Variants in ACACA observed in about 807,000 individuals in gnomAD.
ACACA encodes acetyl-CoA carboxylase 1.
Under a neutral mutation model 296.1 loss-of-function variants are expected in ACACA, and 103 were observed. The observed-to-expected ratio is 0.35, with a 90% confidence interval of 0.30 to 0.41. The LOEUF is 0.41. Among genes scored for constraint, ACACA ranks in the 10% least tolerant of loss-of-function variants. ACACA has a pLI of 1.00. For missense variants in ACACA, 1,554 were observed against 2,989.7 expected (o/e 0.52, Z 11.20); for synonymous variants, 953 against 1,038.6 (o/e 0.92, Z 1.58).
chr17:37,386,040 C>T (rs1216285638), intron 1 of ACACA: 1 of 1,603,988 alleles, frequency 6.2e-7, no homozygotes, highest in Admixed American at 1.7e-5. Context: ...AATGTAAAGT[C>T]CTGGGGGCTT....
rs372530107 is a variant in ACACA at position 37,182,618 on chromosome 17, C to T, written c.4777-1262G>A. Among the ~76,000 whole-genome samples, 14 of 152,262 alleles carry T rather than the reference C, an allele frequency of 9.2e-5. 1 individual carries two copies. In the South Asian group the frequency reaches 2.9e-3, roughly 32 times the overall value. On this transcript the variant is annotated intron_variant, in intron 39 of 55. Transcript: ENST00000616317. ...AGGTTGTATAACACTAAACTAGGCA[C>T]TTCATGCATGGATACATAAAATATA...
At chr17:37,296,071 G>A (rs1388048524) in intron 3 of ACACA, among the ~76,000 whole-genome samples, 1 of 152,154 alleles carries the variant, frequency 6.6e-6, no homozygotes, top group Non-Finnish European at 1.5e-5. Flanking sequence ...GATTTCCATT[G>A]TTACTTGGTA....
intron 1 of ACACA, among the ~76,000 whole-genome samples, chr17:37,342,436 A>ATATATATAT (rs1187263633): frequency 5.2e-5 from 3 of 58,218 alleles, no homozygotes; most frequent in Non-Finnish European, 8.7e-5. Flanking sequence ...AAAAAAAAAA[A>ATATATATAT]ATATATATAT....
chr17:37,390,304 T>TTTTATATATATATATATATATATA (rs1201500381), intron 1 of ACACA, among the ~76,000 whole-genome samples: 2 of 17,974 alleles, frequency 1.1e-4, no homozygotes, highest in African/African-American at 7.6e-4. Flanking sequence ...TTATACATAA[T>TTTTATATATATATATATATATATA]TATATATATA....
chr17:37,087,365 C>T lies in ACACA; in HGVS notation c.7103G>A (p.Arg2368Gln), dbSNP rs766921857. The stretch of plus-strand genomic sequence containing the variant: ...GGAGAGGATCCGTATGACTTCTGCT[C>T]GCTGAGTGGGTGATATGTGCTGCGT... The part of the protein sequence containing the change: ...HMTQHISPTQ[R>Q]AEVIRILSTM... Residue 2368 changes from arginine (R) to glutamine (Q), a missense_variant, in exon 56 of 56, where the codon CGA becomes CAA. Transcript: ENST00000616317. The T allele has an allele frequency of 9.9e-6, 16 of 1,613,976 alleles. No homozygotes were observed. The highest frequency in any genetic ancestry group is 5.0e-5 in the Admixed American group (3 of 59,992).
chr17:37,374,517 C>T (rs930454820), intron 1 of ACACA, among the ~76,000 whole-genome samples: 10 of 152,230 alleles, frequency 6.6e-5, no homozygotes, highest in Admixed American at 5.2e-4. Flanking sequence ...GAACTCCCGA[C>T]CTCAGGTCAT....
At chr17:37,095,101 C>T (rs531680571) in intron 54 of ACACA, among the ~76,000 whole-genome samples, 1 of 152,364 alleles carries the variant, frequency 6.6e-6, no homozygotes, top group South Asian at 2.1e-4. Context: ...GGGAAACTTC[C>T]TTCTCATCCT....
intron 10 of ACACA, among the ~76,000 whole-genome samples, chr17:37,266,847 C>A (rs1361163336): frequency 6.6e-6 from 1 of 152,120 alleles, no homozygotes; most frequent in Non-Finnish European, 1.5e-5. Flanking sequence ...TTCCAAGTTA[C>A]CTCAGATAAC....
intron 25 of ACACA, among the ~76,000 whole-genome samples, chr17:37,226,879 C>T (rs1256160403): frequency 6.6e-6 from 1 of 152,134 alleles, no homozygotes; most frequent in Non-Finnish European, 1.5e-5. Context: ...CAAAAAGAAC[C>T]ACCCCAGTGG....
chr17:37,207,593 T>G (rs948389851), intron 31 of ACACA, 64 bp downstream of exon 31: 1 of 1,596,038 alleles, frequency 6.3e-7, no homozygotes, highest in Non-Finnish European at 8.6e-7. Context: ...TGCAGAAAGA[T>G]GAGACCCCAA....
At chr17:37,239,220 T>C (rs1156827461) in intron 24 of ACACA, among the ~76,000 whole-genome samples, 3 of 152,226 alleles carry the variant, frequency 2.0e-5, no homozygotes, top group Non-Finnish European at 4.4e-5. Flanking sequence ...TTGACTTTTG[T>C]ATTTAGCAAT....
intron 1 of ACACA, among the ~76,000 whole-genome samples, chr17:37,396,173 C>G (rs1186071567): frequency 6.6e-6 from 1 of 151,868 alleles, no homozygotes; most frequent in East Asian, 1.9e-4. Flanking sequence ...AACCCTGTCT[C>G]TACTAAAAGT....
chr17:37,118,924 G>A (rs540340923), intron 50 of ACACA, among the ~76,000 whole-genome samples: 6 of 152,302 alleles, frequency 3.9e-5, no homozygotes, highest in African/African-American at 1.4e-4. Context: ...ATATGTAGCA[G>A]AATTGAAGCT....
chr17:37,236,109 C>G (rs1160244332), intron 24 of ACACA, among the ~76,000 whole-genome samples: 1 of 152,166 alleles, frequency 6.6e-6, no homozygotes, highest in African/African-American at 2.4e-5. Context: ...CAAACCAGAA[C>G]AGTGACGTTC....
At chr17:37,338,088 C>A (rs1316923252) in intron 2 of ACACA, among the ~76,000 whole-genome samples, 1 of 149,372 alleles carries the variant, frequency 6.7e-6, no homozygotes, top group African/African-American at 2.5e-5. Context: ...CAGAGTGAGA[C>A]TCCGTCTCAA....
chr17:37,214,918 C>T (rs1172013538), intron 29 of ACACA, among the ~76,000 whole-genome samples: 1 of 152,212 alleles, frequency 6.6e-6, no homozygotes, highest in African/African-American at 2.4e-5. Context: ...AAAGAAAGGT[C>T]TAATCTCTGG....
At chr17:37,294,939 T>TGGAC (rs2083257278) in intron 3 of ACACA, among the ~76,000 whole-genome samples, 1 of 152,232 alleles carries the variant, frequency 6.6e-6, no homozygotes, top group Admixed American at 6.5e-5. Flanking sequence ...GATGAAGGCC[T>TGGAC]GGACTTCTGG....
Position 37,390,330 on chromosome 17 carries a change from A to ATATATATCTATATATCTATATATC in ACACA, c.38+15931_38+15932insGATATATAGATATATAGATATATA, listed in dbSNP as rs1386032855. Among the ~76,000 whole-genome samples the ATATATATCTATATATCTATATATC allele has an allele frequency of 1.6e-3, 66 of 41,582 alleles. 6 individuals carry two copies. Among genetic ancestry groups the ATATATATCTATATATCTATATATC allele is most frequent in the Non-Finnish European group, 2.0e-3 (54 of 26,764 alleles). The allele number at this position is 41,582 out of a possible 152,430, so 27.3% of individuals were successfully genotyped here. On this transcript the variant is annotated intron_variant, in intron 1 of 55. Coordinates refer to ENST00000616317, the MANE Select transcript of ACACA (RefSeq NM_198834.3). ...TATATATATATATATATATATATAT[A>ATATATATCTATATATCTATATATC]TATAAAAGGCCAGCTGGGCCGGGCA...
intron 50 of ACACA, among the ~76,000 whole-genome samples, chr17:37,119,975 C>T (rs2074448905): frequency 6.6e-6 from 1 of 151,198 alleles, no homozygotes; most frequent in Non-Finnish European, 1.5e-5. Context: ...TCACTGCAAC[C>T]TCTGCCTCCT....
Sources: allele counts gnomAD v4.1 joint callset (sites outside exome capture counted in the v4.1 genomes callset), GRCh38; gene constraint gnomAD v4.1.1; transcripts MANE v1.5; gene names NCBI Gene and HGNC (gene_info 2026-07-23, HGNC 2026-07-21).